Variants in LARP6 observed in about 807,000 individuals in gnomAD.
LARP6 encodes the protein La ribonucleoprotein 6, translational regulator.
Under a neutral mutation model 32.8 loss-of-function variants are expected in LARP6, and 18 were observed. That is an observed-to-expected ratio of 0.55 (90% CI 0.38 to 0.81). The LOEUF is 0.81. LARP6 is among the 40% of genes least tolerant of loss of function. The probability of loss-of-function intolerance (pLI) is 0.00; values close to 1 mark genes in which losing one functional copy is unlikely to be tolerated. For missense variants in LARP6, 598 were observed against 663.1 expected (o/e 0.90, Z 1.08); for synonymous variants, 289 against 267.2 (o/e 1.08, Z -0.80).
rs968395247 is a variant in LARP6 at position 70,829,939 on chromosome 15, G to A, written c.*2113C>T. 1 of 152,646 alleles carries A rather than the reference G, an allele frequency of 6.6e-6. No homozygotes were observed. Among genetic ancestry groups the A allele is most frequent in the Non-Finnish European group, 1.5e-5 (1 of 68,256 alleles). The allele number at this position is 152,646 out of a possible 1,614,324, so 9.5% of individuals were successfully genotyped here. A position where few individuals can be genotyped will look rare whatever the true frequency, so the allele number is the denominator to read the frequency against. ...AACAGCCTTGAATGTCACAGGCCAA[G>A]AAGAGCTGGTGAAGCCCAGATGGCC... is the stretch of plus-strand genomic sequence containing the variant. On this transcript the variant is annotated 3_prime_UTR_variant, in exon 3 of 3. Transcript: ENST00000299213.
intron 1 of LARP6, among the ~76,000 whole-genome samples, chr15:70,851,137 T>C (rs932794040): frequency 1.3e-5 from 2 of 152,194 alleles, no homozygotes; most frequent in Non-Finnish European, 2.9e-5. Flanking sequence ...GTTGCAATAA[T>C]AGTGTTAGGG....
intron 1 of LARP6, among the ~76,000 whole-genome samples, chr15:70,839,675 C>T (rs904432574): frequency 6.6e-6 from 1 of 151,840 alleles, no homozygotes; most frequent in Admixed American, 6.6e-5. Flanking sequence ...CTCTGCCTCC[C>T]GGGTTCACGC....
chr15:70,851,562 G>C, intron 1 of LARP6: 1 of 1,560,446 alleles, frequency 6.4e-7, no homozygotes, highest in South Asian at 1.2e-5. Flanking sequence ...ACTGTCTAGG[G>C]AAGGGGAAAC....
Position 70,832,595 on chromosome 15 carries a change from A to C in LARP6, c.933T>G (p.Thr311=). ...AKDKNHDEEP[T]ASIHLNKSLN... ...GGGACTTGTTCAGGTGGATGCTCGCAGTGGGCTCCTCGTCATGATTTTTGT... is the reference window on the plus strand; with the variant it reads ...GGGACTTGTTCAGGTGGATGCTCGCCGTGGGCTCCTCGTCATGATTTTTGT... The change falls in exon 3 of 3, where the codon ACT becomes ACG. Residue 311 remains threonine, a synonymous_variant. Coordinates refer to ENST00000299213, the MANE Select transcript of LARP6 (RefSeq NM_018357.4). 1.3e-6 allele frequency: 2 copies of C among 1,598,514 alleles called. No individual in the cohort carries two copies. Among genetic ancestry groups the C allele is most frequent in the Non-Finnish European group, 1.7e-6 (2 of 1,173,906 alleles).
intron 1 of LARP6, among the ~76,000 whole-genome samples, chr15:70,845,657 G>C (rs11072224): frequency 1.3e-5 from 2 of 152,202 alleles, no homozygotes; most frequent in Non-Finnish European, 2.9e-5. Flanking sequence ...CCCACACTTA[G>C]GGTGTGGGGA....
At position 70,832,139 on chromosome 15, in the gene LARP6, C is replaced by A. The variant is rs545615977; in HGVS notation, c.1389G>T (p.Gly463=). ...GCAACCTCAGCACCCCTACGGGTAGCCCATCTGCAGTCTGCATCTTCCGGG... is the reference window on the plus strand; with the variant it reads ...GCAACCTCAGCACCCCTACGGGTAGACCATCTGCAGTCTGCATCTTCCGGG... ...LLSRKMQTAD[G]LPVGVLRLPR... is the part of the protein sequence containing the mutation. The change falls in exon 3 of 3, where the codon GGG becomes GGT. Residue 463 remains glycine (G), a synonymous_variant. Coordinates refer to ENST00000299213, the MANE Select transcript of LARP6 (RefSeq NM_018357.4). 1.2e-4 allele frequency: 187 copies of A among 1,610,570 alleles called. 2 individuals are homozygous for A. The South Asian group carries it at 1.8e-3, about 16-fold the overall frequency.
chr15:70,834,989 T>A (rs988421298), intron 2 of LARP6, among the ~76,000 whole-genome samples: 2 of 152,214 alleles, frequency 1.3e-5, no homozygotes, highest in African/African-American at 4.8e-5. Flanking sequence ...AATAGGACCA[T>A]AAGTGGCAGC....
chr15:70,851,910 G>A, intron 1 of LARP6: 2 of 793,930 alleles, frequency 2.5e-6, no homozygotes, highest in African/African-American at 1.7e-5. Context: ...CCTAGAGGTG[G>A]GGGTGCAGAG....
intron 1 of LARP6, among the ~76,000 whole-genome samples, chr15:70,843,554 G>A (rs2032293798): frequency 6.6e-6 from 1 of 151,692 alleles, no homozygotes; most frequent in Admixed American, 6.6e-5. Flanking sequence ...TGAGTATTTG[G>A]GGTCACTTAT....
chr15:70,843,560 C>A (rs2032293978), intron 1 of LARP6, among the ~76,000 whole-genome samples: 1 of 151,376 alleles, frequency 6.6e-6, no homozygotes, highest in African/African-American at 2.4e-5. Flanking sequence ...TTTGGGGTCA[C>A]TTATGACTTA....
chr15:70,852,295 A>G (rs2032487800), intron 1 of LARP6: 1 of 455,662 alleles, frequency 2.2e-6, no homozygotes, highest in African/African-American at 2.0e-5. Context: ...TTCAGACTGA[A>G]CACTTGCTGA....
intron 1 of LARP6, among the ~76,000 whole-genome samples, chr15:70,841,285 TG>T (rs540036535): frequency 2.2e-4 from 34 of 152,358 alleles, no homozygotes; most frequent in African/African-American, 7.2e-4. Flanking sequence ...CGGCCATGTC[TG>T]CTTTACTGCC....
chr15:70,848,085 C>A (rs533725973), intron 1 of LARP6, among the ~76,000 whole-genome samples: 71 of 152,290 alleles, frequency 4.7e-4, no homozygotes, highest in African/African-American at 1.6e-3. Context: ...AACACCAGGG[C>A]AGATTCAAAA....
intron 1 of LARP6, chr15:70,849,626 T>G (rs1271059293): frequency 6.6e-6 from 1 of 152,172 alleles, no homozygotes; most frequent in Non-Finnish European, 1.5e-5. Flanking sequence ...TAAAGACTAA[T>G]GGGCATGTTA....
rs1174949254 is a variant in LARP6, at chr15:70,831,043, G to A, written c.*1009C>T. The A allele has an allele frequency of 6.6e-6, 1 of 152,252 alleles. No individual in the cohort carries two copies. Among genetic ancestry groups the A allele is most frequent in the African/African-American group, 2.4e-5 (1 of 41,474 alleles). 9.4% of individuals were successfully genotyped at this position (152,252 alleles called of 1,614,324 possible). ...AAGTCCTGCAGCCTTTGTCCATCCAGTGGTTCTCCAGCGTGCATCAGAATC... is the reference window on the plus strand; with the variant it reads ...AAGTCCTGCAGCCTTTGTCCATCCAATGGTTCTCCAGCGTGCATCAGAATC... On this transcript the variant is annotated 3_prime_UTR_variant, in exon 3 of 3. Coordinates refer to ENST00000299213, the MANE Select transcript of LARP6 (RefSeq NM_018357.4).
chr15:70,852,326 G>C (rs1567024636), intron 1 of LARP6: 1 of 455,272 alleles, frequency 2.2e-6, no homozygotes, highest in East Asian at 7.0e-5. Context: ...ACGGGAGCTG[G>C]GCAGTTCTGG....
intron 1 of LARP6, 88 bp downstream of exon 1, chr15:70,853,801 G>T: frequency 2.0e-6 from 2 of 984,394 alleles, no homozygotes; most frequent in Non-Finnish European, 2.6e-6. Context: ...TCTGCCCGAG[G>T]AGTTGTCGCG....
chr15:70,838,240 C>T (rs2032183194), intron 1 of LARP6, among the ~76,000 whole-genome samples: 1 of 152,148 alleles, frequency 6.6e-6, no homozygotes, highest in Admixed American at 6.5e-5. Flanking sequence ...AGGCAAGGAA[C>T]TCCACTGCAT....
chr15:70,842,346 C>T (rs905100368), intron 1 of LARP6, among the ~76,000 whole-genome samples: 6 of 151,978 alleles, frequency 3.9e-5, no homozygotes, highest in Admixed American at 6.6e-5. Flanking sequence ...CCATGCCTGG[C>T]CTCTCTCCTC....
Sources: gnomAD v4.1 joint callset for allele counts (sites outside exome capture counted in the v4.1 genomes callset) on GRCh38, gnomAD v4.1.1 for gene constraint, MANE v1.5 for transcripts, NCBI Gene and HGNC (gene_info 2026-07-23, HGNC 2026-07-21) for gene names.